SLMAP: variants seen among roughly 807,000 people sequenced by gnomAD.
SLMAP encodes sarcolemmal membrane-associated protein.
Under a neutral mutation model 128.8 loss-of-function variants are expected in SLMAP, and 44 were observed. The observed-to-expected ratio is 0.34, with a 90% CI of 0.27 to 0.44. The LOEUF (loss-of-function observed/expected upper bound fraction) is 0.44. Among genes scored for constraint, SLMAP ranks in the 20% least tolerant of loss-of-function variants. SLMAP has a pLI of 1.00. For synonymous variants in SLMAP, 327 were observed against 348.8 expected, an observed-to-expected ratio of 0.94 and a Z score of 0.70; for missense variants, 787 against 985.3, an observed-to-expected ratio of 0.80 and a Z score of 2.69.
chr3:57,844,842 G>C (rs1180837158), intron 4 of SLMAP, among the ~76,000 whole-genome samples: 2 of 151,338 alleles, frequency 1.3e-5, no homozygotes, highest in Non-Finnish European at 2.9e-5. Context: ...AGCCTCCCAG[G>C]TAGCTGGGAT....
At chr3:57,872,637 A>C (rs552829330) in intron 14 of SLMAP, among the ~76,000 whole-genome samples, 1 of 152,330 alleles carries the variant, frequency 6.6e-6, no homozygotes, top group Admixed American at 6.5e-5. Flanking sequence ...AGACAAACAA[A>C]CAAAACGATA....
At chr3:57,767,445 T>TA (rs1371477948) in intron 2 of SLMAP, among the ~76,000 whole-genome samples, 1 of 152,228 alleles carries the variant, frequency 6.6e-6, no homozygotes, top group African/African-American at 2.4e-5. Flanking sequence ...TGGACTCAAT[T>TA]ATCAATATGT....
At chr3:57,886,106 ATT>A (rs112191414) in intron 14 of SLMAP, among the ~76,000 whole-genome samples, 6 of 129,964 alleles carry the variant, frequency 4.6e-5, no homozygotes, top group Admixed American at 7.8e-5. Context: ...TAAAGATATA[ATT>A]TTTTTTTTTT....
chr3:57,835,313 T>A (rs1406444398), intron 3 of SLMAP, among the ~76,000 whole-genome samples: 1 of 151,410 alleles, frequency 6.6e-6, no homozygotes, highest in Non-Finnish European at 1.5e-5. Context: ...TAATTAGCTG[T>A]GGGCCTGGCA....
At chr3:57,829,473 T>TA (rs35511155) in intron 2 of SLMAP, among the ~76,000 whole-genome samples, 4,657 of 148,852 alleles carry the variant, frequency 0.031, 101 homozygotes, top group Middle Eastern at 0.053. Context: ...ATATATTTAT[T>TA]AAAAAAAAAA....
chr3:57,853,316 A>C (rs1486153971), intron 6 of SLMAP, among the ~76,000 whole-genome samples: 2 of 152,242 alleles, frequency 1.3e-5, no homozygotes, highest in Non-Finnish European at 2.9e-5. Flanking sequence ...CCTATAGCTT[A>C]TATTAAAATG....
chr3:57,899,631 C>G (rs998647283), intron 17 of SLMAP: 6 of 152,080 alleles, frequency 3.9e-5, no homozygotes, highest in Admixed American at 2.6e-4. Context: ...AACTTCTGAG[C>G]TCAAGCGTTC....
At chr3:57,904,832 C>A (rs2096486807) in intron 17 of SLMAP, among the ~76,000 whole-genome samples, 1 of 152,150 alleles carries the variant, frequency 6.6e-6, no homozygotes, top group Non-Finnish European at 1.5e-5. Flanking sequence ...AAACATTCTA[C>A]AATTCATAGG....
At chr3:57,759,230 G>C (rs912829189) in intron 2 of SLMAP, among the ~76,000 whole-genome samples, 1 of 151,712 alleles carries the variant, frequency 6.6e-6, no homozygotes, top group African/African-American at 2.4e-5. Context: ...CTCGCTCCTC[G>C]CAAGCTGAAG....
intron 3 of SLMAP, among the ~76,000 whole-genome samples, chr3:57,835,334 G>A (rs990825636): frequency 1.1e-4 from 16 of 151,578 alleles, no homozygotes; most frequent in Admixed American, 9.2e-4. Context: ...GCTTGCACTT[G>A]TCTCAGCTAC....
intron 14 of SLMAP, among the ~76,000 whole-genome samples, chr3:57,881,357 C>T (rs765659841): frequency 9.2e-5 from 14 of 152,178 alleles, no homozygotes; most frequent in Non-Finnish European, 1.5e-4. Context: ...TCTCTGATCT[C>T]ACCTCGATTG....
At position 57,841,358 on chromosome 3, in the gene SLMAP, C is replaced by T; in HGVS notation, c.406C>T (p.Arg136Trp). Reference protein sequence around the residue: ...KLFLPDGMEARLRSDVIHAPL... With the variant: ...KLFLPDGMEAWLRSDVIHAPL... ...TTTTCTACCAGATGGTATGGAAGCC[C>T]GGCTCCGCTCAGAGTGAGTATAATT... The change falls in exon 4 of 25, where the codon CGG becomes TGG. Residue 136 changes from arginine (R) to tryptophan (W), a missense_variant. Arg to Trp is a moderately radical substitution (Grantham distance 101). Around this residue, in one of 2 missense-constraint regions of SLMAP, gnomAD observed 715 missense variants for 843.6 expected, o/e 0.85. Coordinates refer to ENST00000671191, the MANE Select transcript of SLMAP (RefSeq NM_001377540.1). 3 of 1,605,762 alleles carry T rather than the reference C, an allele frequency of 1.9e-6. No individual in the cohort carries two copies. Among genetic ancestry groups the T allele is most frequent in the Non-Finnish European group, 2.6e-6 (3 of 1,173,934 alleles).
chr3:57,774,493 T>C (rs1021968822), intron 2 of SLMAP, among the ~76,000 whole-genome samples: 2 of 146,088 alleles, frequency 1.4e-5, no homozygotes, highest in African/African-American at 5.1e-5. Context: ...ACAAGAGAAA[T>C]TAGACTTTAA....
intron 15 of SLMAP, 177 bp downstream of exon 15, chr3:57,890,277 G>T (rs971682313): frequency 9.7e-6 from 5 of 514,874 alleles, no homozygotes; most frequent in South Asian, 3.9e-5. Flanking sequence ...TTTAAGAAGG[G>T]TATCGTAACT....
At chr3:57,849,108 C>T (rs914384352) in intron 5 of SLMAP, among the ~76,000 whole-genome samples, 1 of 151,368 alleles carries the variant, frequency 6.6e-6, no homozygotes, top group African/African-American at 2.4e-5. Context: ...GCTGGTCTCT[C>T]GAACTCCTGG....
chr3:57,823,232 A>G (rs1362833283), intron 2 of SLMAP, among the ~76,000 whole-genome samples: 1 of 151,274 alleles, frequency 6.6e-6, no homozygotes, highest in East Asian at 1.9e-4. Flanking sequence ...TTTTTCTTTT[A>G]TTATACTTTT....
At position 57,896,574 on chromosome 3, in the gene SLMAP, G is replaced by A; in HGVS notation, c.1424G>A (p.Ser475Asn). The part of the protein sequence containing the change: ...SDTLSPSKEK[S>N]SDDTTDAQMD... ...ACTCTGAGTCCAAGCAAGGAAAAAA[G>A]CAGTGACGACACTACAGGTGAGTTT... Residue 475 changes from serine to asparagine, a missense_variant, in exon 16 of 25, where the codon AGC (serine) becomes AAC (asparagine). By Grantham distance (46) the Ser-to-Asn change is conservative (BLOSUM62 1). This residue lies in a region of SLMAP where 715 missense variants were observed against 843.6 expected (regional missense o/e 0.85). Transcript: ENST00000671191. The A allele has an allele frequency of 1.9e-6, 3 of 1,609,950 alleles. No homozygotes were observed. The highest frequency in any genetic ancestry group is 1.7e-4 in the Middle Eastern group (1 of 6,048).
chr3:57,817,328 C>T (rs922406462), intron 2 of SLMAP, among the ~76,000 whole-genome samples: 2 of 152,004 alleles, frequency 1.3e-5, no homozygotes, highest in Non-Finnish European at 2.9e-5. Context: ...GTATTATTAC[C>T]GTTATTATGC....
chr3:57,926,874 A>G (rs1463316032), intron 24 of SLMAP, among the ~76,000 whole-genome samples: 1 of 152,226 alleles, frequency 6.6e-6, no homozygotes, highest in Non-Finnish European at 1.5e-5. Context: ...CTTGCATAAA[A>G]TATCCCAACA....
Sources: gnomAD v4.1 joint callset for allele counts (sites outside exome capture counted in the v4.1 genomes callset) on GRCh38, gnomAD v4.1.1 for gene constraint, gnomAD v4.1.1 regional missense constraint, MANE v1.5 for transcripts, NCBI Gene and HGNC (gene_info 2026-07-23, HGNC 2026-07-21) for gene names.